The following NEK7 variants were observed in gnomAD, a reference collection of about 807,000 sequenced individuals.
The protein encoded by NEK7 is serine/threonine-protein kinase Nek7.
A neutral mutation model predicts 44.6 loss-of-function variants in NEK7; 18 were observed. That is an observed-to-expected ratio of 0.40 (90% CI 0.28 to 0.60). The LOEUF (loss-of-function observed/expected upper bound fraction) is 0.60. NEK7 is among the 20% of genes least tolerant of loss of function. NEK7 has a pLI of 0.38. For missense variants in NEK7, 256 were observed against 366.5 expected, an observed-to-expected ratio of 0.70 and a Z score of 2.46; for synonymous variants, 130 against 121.1, an observed-to-expected ratio of 1.07 and a Z score of -0.48.
intron 5 of NEK7, among the ~76,000 whole-genome samples, chr1:198,265,266 A>G (rs947718225): frequency 2.6e-5 from 4 of 152,142 alleles, no homozygotes; most frequent in African/African-American, 9.6e-5. Context: ...GAAAGTCTTC[A>G]TTCAGCTGGC....
At chr1:198,233,922 AC>A (rs1666475786) in intron 2 of NEK7, among the ~76,000 whole-genome samples, 1 of 151,788 alleles carries the variant, frequency 6.6e-6, no homozygotes, top group Non-Finnish European at 1.5e-5. Flanking sequence ...AGGACCAACA[AC>A]AAAGCCGTCT....
intron 2 of NEK7, among the ~76,000 whole-genome samples, chr1:198,237,074 T>A (rs1666560573): frequency 6.6e-6 from 1 of 152,118 alleles, no homozygotes; most frequent in African/African-American, 2.4e-5. Context: ...CAGCTGCATT[T>A]GATAGAGTTG....
chr1:198,251,933 C>G (rs1290974423), intron 2 of NEK7, among the ~76,000 whole-genome samples: 4 of 151,994 alleles, frequency 2.6e-5, no homozygotes, highest in Non-Finnish European at 4.4e-5. Flanking sequence ...AATGTGTTTG[C>G]TTTTGCTTTT....
At chr1:198,224,815 C>T (rs950067895) in intron 1 of NEK7, among the ~76,000 whole-genome samples, 1 of 151,788 alleles carries the variant, frequency 6.6e-6, no homozygotes, top group Non-Finnish European at 1.5e-5. Flanking sequence ...ATGTGGAGAC[C>T]TAAAAGTTTG....
intron 9 of NEK7, among the ~76,000 whole-genome samples, chr1:198,314,415 AGTC>A (rs1221578871): frequency 3.9e-5 from 6 of 152,164 alleles, no homozygotes; most frequent in Non-Finnish European, 7.4e-5. Context: ...GATCGTCTGA[AGTC>A]TTCTTCTCTC....
intron 1 of NEK7, among the ~76,000 whole-genome samples, chr1:198,174,217 G>A (rs1297111700): frequency 6.6e-6 from 1 of 152,124 alleles, no homozygotes; most frequent in Non-Finnish European, 1.5e-5. Context: ...ATATAACTTT[G>A]ATTTACCTTG....
At chr1:198,300,112 C>A (rs1654840392) in intron 9 of NEK7, among the ~76,000 whole-genome samples, 1 of 152,020 alleles carries the variant, frequency 6.6e-6, no homozygotes, top group South Asian at 2.1e-4. Flanking sequence ...TTTGTATTTT[C>A]TCCTTTTCTA....
At chr1:198,297,323 A>G (rs2103014681) in intron 9 of NEK7, 83 bp downstream of exon 9, 10 of 1,531,204 alleles carry the variant, frequency 6.5e-6, no homozygotes, top group South Asian at 1.1e-5. Flanking sequence ...ACTTTATCCA[A>G]AAATGAAAAT....
chr1:198,209,054 T>TATATATATAC (rs1459915986), intron 1 of NEK7, among the ~76,000 whole-genome samples: 1 of 93,680 alleles, frequency 1.1e-5, no homozygotes, highest in Non-Finnish European at 2.0e-5. Flanking sequence ...TATATATATA[T>TATATATATAC]ATATACACAC....
intron 1 of NEK7, among the ~76,000 whole-genome samples, chr1:198,184,496 A>G (rs1006304416): frequency 1.3e-5 from 2 of 152,188 alleles, no homozygotes; most frequent in Non-Finnish European, 2.9e-5. Context: ...TCATTTTTCT[A>G]GATCATTCAA....
Position 198,313,282 on chromosome 1 carries a change from G to A in NEK7, c.799-6130G>A, listed in dbSNP as rs192854145. Among the ~76,000 whole-genome samples, 714 of 151,312 alleles carry A rather than the reference G, an allele frequency of 4.7e-3. 9 individuals are homozygous for A. Among genetic ancestry groups the A allele is most frequent in the African/African-American group, 0.017 (690 of 41,274 alleles). ...GCCACCCCTCCCTTTTTTTGTTTTC[G>A]ATTTGCTTGGTAGATCTTCCTCCAT... On this transcript the variant is annotated intron_variant, in intron 9 of 9. Transcript: ENST00000367385.
At chr1:198,232,120 C>G (rs766372005) in intron 1 of NEK7, among the ~76,000 whole-genome samples, 6 of 152,020 alleles carry the variant, frequency 3.9e-5, no homozygotes, top group Non-Finnish European at 1.5e-5. Flanking sequence ...TTTAAAAAAT[C>G]ACAGTAAGCA....
chr1:198,297,088 C>T (rs780628698), intron 8 of NEK7, 39 bp from the exon 9 acceptor site: 139 of 1,284,704 alleles, frequency 1.1e-4, no homozygotes, highest in Non-Finnish European at 1.5e-4. Flanking sequence ...TTTTAAGTTA[C>T]CATCTAACTA....
At chr1:198,255,150 T>C (rs745453140) in intron 3 of NEK7, among the ~76,000 whole-genome samples, 16 of 152,156 alleles carry the variant, frequency 1.1e-4, no homozygotes, top group South Asian at 8.3e-4. Context: ...AGGCTATAAA[T>C]ATGAGCCCAG....
chr1:198,217,306 G>A (rs1307316469), intron 1 of NEK7, among the ~76,000 whole-genome samples: 2 of 152,038 alleles, frequency 1.3e-5, no homozygotes, highest in African/African-American at 4.8e-5. Context: ...GTCAATAAAT[G>A]TGATTGATCA....
intron 1 of NEK7, among the ~76,000 whole-genome samples, chr1:198,198,820 GC>G (rs1665323790): frequency 6.6e-6 from 1 of 152,202 alleles, no homozygotes; most frequent in Non-Finnish European, 1.5e-5. Flanking sequence ...CCCAGCAAAA[GC>G]TGATTCTGTA....
At chr1:198,220,325 C>T (rs1189055915) in intron 1 of NEK7, among the ~76,000 whole-genome samples, 2 of 151,918 alleles carry the variant, frequency 1.3e-5, no homozygotes, top group Non-Finnish European at 2.9e-5. Flanking sequence ...CTTTCTCAGC[C>T]TGAGTCCTAG....
At chr1:198,184,103 A>C (rs1327886295) in intron 1 of NEK7, among the ~76,000 whole-genome samples, 2 of 152,224 alleles carry the variant, frequency 1.3e-5, no homozygotes, top group African/African-American at 4.8e-5. Flanking sequence ...GCCAGATTTT[A>C]GAATTTTTGA....
At chr1:198,168,539 G>A (rs993564579) in intron 1 of NEK7, among the ~76,000 whole-genome samples, 8 of 152,204 alleles carry the variant, frequency 5.3e-5, no homozygotes, top group African/African-American at 7.2e-5. Context: ...CAGACTTGGT[G>A]TAAAGTCAGT....
Sources: gnomAD v4.1 joint callset for allele counts (sites outside exome capture counted in the v4.1 genomes callset) on GRCh38, gnomAD v4.1.1 for gene constraint, MANE v1.5 for transcripts, NCBI Gene and HGNC (gene_info 2026-07-23, HGNC 2026-07-21) for gene names.